The following DPT variants were observed in gnomAD, a reference collection of about 807,000 sequenced individuals.
DPT encodes the protein tyrosine-rich acidic matrix protein.
Under a neutral mutation model 31.2 loss-of-function variants are expected in DPT, and 21 were observed. The ratio of observed to expected loss-of-function variants is 0.67; its 90% CI spans 0.48 to 0.97. DPT has a LOEUF of 0.97. Among genes scored for constraint, DPT ranks in the 50% least tolerant of loss-of-function variants. DPT has a pLI of 0.00. For synonymous variants in DPT, 91 were observed against 86.9 expected, an observed-to-expected ratio of 1.05 and a Z score of -0.26; for missense variants, 262 against 258.8, an observed-to-expected ratio of 1.01 and a Z score of -0.08.
At chr1:168,717,841 T>C (rs889789076) in intron 1 of DPT, among the ~76,000 whole-genome samples, 2 of 152,218 alleles carry the variant, frequency 1.3e-5, no homozygotes, top group Non-Finnish European at 2.9e-5. Flanking sequence ...AATCACTTTG[T>C]AAATGCCTGG....
intron 1 of DPT, among the ~76,000 whole-genome samples, chr1:168,720,030 G>T (rs558291637): frequency 6.6e-6 from 1 of 152,144 alleles, no homozygotes; most frequent in Non-Finnish European, 1.5e-5. Context: ...ACTTTCTCCT[G>T]TATCTGCAAT....
intron 2 of DPT, among the ~76,000 whole-genome samples, chr1:168,702,259 A>C (rs984611746): frequency 6.6e-6 from 1 of 152,208 alleles, no homozygotes; most frequent in African/African-American, 2.4e-5. Flanking sequence ...TCCTCTGCAG[A>C]CTGATGGTGA....
rs776840064 is a variant in DPT, at chr1:168,728,835, C to A, written c.305+35G>T. 6 of 1,603,526 alleles carry A rather than the reference C, an allele frequency of 3.7e-6. No individual in the cohort carries two copies. In the Admixed American group the frequency reaches 1.0e-4, roughly 27 times the overall value. The stretch of plus-strand genomic sequence containing the variant: ...AGGAGGAGGGATATGCAGAGATGTT[C>A]CCAGCCCCAGTGCAGTGCAGGGACT... On this transcript the variant is annotated intron_variant, in intron 1 of 3. Coordinates refer to ENST00000367817, the MANE Select transcript of DPT (RefSeq NM_001937.5).
chr1:168,724,595 A>G (rs549854017), intron 1 of DPT, among the ~76,000 whole-genome samples: 1 of 152,324 alleles, frequency 6.6e-6, no homozygotes, highest in Non-Finnish European at 1.5e-5. Flanking sequence ...GAAACAAAGC[A>G]GGCTGAGGGA....
chr1:168,696,374 AGAAGTGTGATACTAGTCAGAAAGGCCCAG>A lies in DPT; in HGVS notation c.*146_*174del, dbSNP rs1160491102. On this transcript the variant is annotated 3_prime_UTR_variant, in exon 4 of 4. Coordinates refer to ENST00000367817, the MANE Select transcript of DPT (RefSeq NM_001937.5). ...ACATGGTTTAATTGTGGATTTTATT[AGAAGTGTGATACTAGTCAGAAAGGCCCAG>A]GAAGTTGGCATTGCAGTTACCAGCT... 1 of 593,140 alleles carries A rather than the reference AGAAGTGTGATACTAGTCAGAAAGGCCCAG, an allele frequency of 1.7e-6. No individual in the cohort carries two copies. Among genetic ancestry groups the A allele is most frequent in the Non-Finnish European group, 3.0e-6 (1 of 334,374 alleles). The allele number at this position is 593,140 out of a possible 1,614,324, so 36.7% of individuals were successfully genotyped here. A position where few individuals can be genotyped will look rare whatever the true frequency, so the allele number is the denominator to read the frequency against.
At chr1:168,716,021 C>T (rs1308199314) in intron 1 of DPT, among the ~76,000 whole-genome samples, 1 of 152,106 alleles carries the variant, frequency 6.6e-6, no homozygotes, top group African/African-American at 2.4e-5. Flanking sequence ...GTGAGAGAGG[C>T]CTTGTTGACA....
chr1:168,722,731 A>G (rs1303516105), intron 1 of DPT, among the ~76,000 whole-genome samples: 2 of 152,178 alleles, frequency 1.3e-5, no homozygotes, highest in African/African-American at 2.4e-5. Context: ...AAAGCTGAGT[A>G]TTTCGGAGTT....
rs767984564 is a variant in DPT at position 168,729,179 on chromosome 1, C to T, written c.-5G>A. 12 of 1,609,798 alleles carry T rather than the reference C, an allele frequency of 7.5e-6. No homozygotes were observed. In the South Asian group the frequency reaches 1.1e-4, roughly 15 times the overall value. On this transcript the variant is annotated 5_prime_UTR_variant, in exon 1 of 4. Coordinates refer to ENST00000367817, the MANE Select transcript of DPT (RefSeq NM_001937.5). ...CCAGAGAAGACTGAGGTCCATGCTG[C>T]CTGGGATTTTGGCAAACAATGTCAC...
At chr1:168,701,239 C>A in intron 2 of DPT, 115 bp from the exon 3 acceptor site, 2 of 814,282 alleles carry the variant, frequency 2.5e-6, no homozygotes, top group South Asian at 2.8e-5. Flanking sequence ...CAAATCCAGA[C>A]TGAAGTTAAA....
chr1:168,696,741 CT>C (rs1388086866), intron 3 of DPT, 126 bp from the exon 4 acceptor site: 1 of 789,150 alleles, frequency 1.3e-6, no homozygotes, highest in Non-Finnish European at 2.0e-6. Context: ...CTTAATCTCA[CT>C]TTGCTCTTAG....
chr1:168,720,053 C>A (rs635954), intron 1 of DPT, among the ~76,000 whole-genome samples: 54,699 of 151,970 alleles, frequency 0.36, 10,833 homozygotes, highest in East Asian at 0.52. Context: ...TAAAACATAA[C>A]AGCAGTGGGG....
In DPT at chr1:168,728,936, G is replaced by A. The variant is rs200956999; in HGVS notation, c.239C>T (p.Thr80Met). The change falls in exon 1 of 4, where the codon ACG (threonine) becomes ATG (methionine). Residue 80 changes from threonine to methionine, a missense_variant. Transcript: ENST00000367817. ...DRQWNYACMPTPQSLGEPTEC... is the reference protein window; with the variant it reads ...DRQWNYACMPMPQSLGEPTEC... The stretch of plus-strand genomic sequence containing the variant: ...CGTGGGTTCCCCGAGGCTCTGTGGC[G>A]TGGGCATGCAGGCGTAGTTCCATTG... 67 of 1,614,192 alleles carry A rather than the reference G, an allele frequency of 4.2e-5. No individual in the cohort carries two copies. Among genetic ancestry groups the A allele is most frequent in the Admixed American group, 3.8e-4 (23 of 60,026 alleles).
chr1:168,709,905 T>C (rs1197679104), intron 2 of DPT, among the ~76,000 whole-genome samples: 1 of 152,194 alleles, frequency 6.6e-6, no homozygotes, highest in Non-Finnish European at 1.5e-5. Context: ...ATAATGTACA[T>C]GAAAGAAGTC....
intron 2 of DPT, among the ~76,000 whole-genome samples, chr1:168,712,055 A>G (rs1649878704): frequency 6.6e-6 from 1 of 152,178 alleles, no homozygotes; most frequent in African/African-American, 2.4e-5. Flanking sequence ...ATTAATGTGG[A>G]TATTTGTTCA....
chr1:168,726,252 T>C (rs1650239607), intron 1 of DPT, among the ~76,000 whole-genome samples: 2 of 152,200 alleles, frequency 1.3e-5, no homozygotes, highest in African/African-American at 4.8e-5. Context: ...CTATCAGCTT[T>C]TCCCTTGACT....
chr1:168,728,842 CCAGTG>C, intron 1 of DPT, 23 bp downstream of exon 1: 10 of 1,609,226 alleles, frequency 6.2e-6, no homozygotes, highest in Non-Finnish European at 8.5e-6. Flanking sequence ...GTTCCCAGCC[CCAGTG>C]CAGTGCAGGG....
chr1:168,696,025 G>A lies in DPT; in HGVS notation c.*524C>T. The A allele has an allele frequency of 2.5e-6, 1 of 394,846 alleles. No individual in the cohort carries two copies. The highest frequency in any genetic ancestry group is 4.5e-6 in the Non-Finnish European group (1 of 224,274). 24.5% of individuals were successfully genotyped at this position (394,846 alleles called of 1,614,324 possible). ...TCCTGGAGCAAAGAGCTCTGCACTTGGATTGCTAAGCATGCATGGCTCATG... is the reference window on the plus strand; with the variant it reads ...TCCTGGAGCAAAGAGCTCTGCACTTAGATTGCTAAGCATGCATGGCTCATG... On this transcript the variant is annotated 3_prime_UTR_variant, in exon 4 of 4. Transcript: ENST00000367817.
chr1:168,696,597 G>T lies in DPT; in HGVS notation c.558C>A (p.Phe186Leu). 5.6e-6 allele frequency: 9 copies of T among 1,614,012 alleles called. No homozygotes were observed. In the South Asian group the frequency reaches 9.9e-5, roughly 18 times the overall value. ...SAVERDRQWK[F>L]IMCRMTEYDC... is the part of the protein sequence containing the mutation. ...CGTATTCAGTCATCCGGCACATTAT[G>T]AACTTCCACTGGCGATCCCTGTGGG... Residue 186 changes from phenylalanine to leucine, a missense_variant, in exon 4 of 4, where the codon TTC becomes TTA. Coordinates refer to ENST00000367817, the MANE Select transcript of DPT (RefSeq NM_001937.5).
intron 1 of DPT, among the ~76,000 whole-genome samples, chr1:168,728,492 G>A (rs1233876555): frequency 6.6e-6 from 1 of 152,172 alleles, no homozygotes; most frequent in Non-Finnish European, 1.5e-5. Flanking sequence ...CCATTCCGAT[G>A]GCACAGAAAG....
Sources: allele counts gnomAD v4.1 joint callset (sites outside exome capture counted in the v4.1 genomes callset), GRCh38; gene constraint gnomAD v4.1.1; transcripts MANE v1.5; gene names NCBI Gene and HGNC (gene_info 2026-07-23, HGNC 2026-07-21).